SAA2: variants seen among roughly 807,000 people sequenced by gnomAD.
SAA2 encodes serum amyloid A2.
Under a neutral mutation model 9.1 loss-of-function variants are expected in SAA2, and 5 were observed. That is an observed-to-expected ratio of 0.55 (90% CI 0.29 to 1.16). The LOEUF is 1.16. Ranked by LOEUF, SAA2 falls within the 50% of genes most tolerant of loss-of-function variation. The pLI is 0.09. For missense variants in SAA2, 94 were observed against 153.8 expected (o/e 0.61, Z 2.06); for synonymous variants, 49 against 59.8 (o/e 0.82, Z 0.83).
At chr11:18,248,315 G>A (rs1418019928) in intron 1 of SAA2, 19 of 321,784 alleles carry the variant, frequency 5.9e-5, no homozygotes, top group East Asian at 3.6e-4. Flanking sequence ...CGCATTTACC[G>A]TGTGTTCCCT....
intron 2 of SAA2, among the ~76,000 whole-genome samples, chr11:18,247,062 TG>T (rs1296114532): frequency 6.6e-6 from 1 of 152,398 alleles, no homozygotes; most frequent in African/African-American, 2.4e-5. Context: ...ACCTGCTGAC[TG>T]GCAGTAAGTC....
At chr11:18,239,863 G>T in exon 4 of SAA2, 1 of 1,502,348 alleles carries the variant, frequency 6.7e-7, no homozygotes, top group Admixed American at 2.3e-5. Context: ...CTTGTTAGTG[G>T]TGGTTATTTA....
exon 4 of SAA2, chr11:18,239,420 T>A (rs972220223): frequency 9.2e-6 from 3 of 327,398 alleles, no homozygotes; most frequent in Non-Finnish European, 1.7e-5. Flanking sequence ...ACTGCTAGTT[T>A]TTGTATCCAC....
At chr11:18,242,526 G>A (rs1349308850), downstream of SAA2, 3 of 470,202 alleles carry the variant, frequency 6.4e-6, no homozygotes, top group East Asian at 1.1e-4. Flanking sequence ...TGTGAATCTG[G>A]GCAGCCTCAA....
At chr11:18,242,540 G>A (rs11024578), downstream of SAA2, 225,562 of 479,914 alleles carry the variant, frequency 0.47, 58,729 homozygotes, top group Non-Finnish European at 0.54. Flanking sequence ...GCCTCAAACC[G>A]ACACAAAAAT....
downstream of SAA2, among the ~76,000 whole-genome samples, chr11:18,241,522 G>A (rs560171490): frequency 6.6e-6 from 1 of 152,076 alleles, no homozygotes; most frequent in Non-Finnish European, 1.5e-5. Context: ...GATTGGAGGG[G>A]TGTGTGTGTA....
chr11:18,241,288 A>C (rs1252910606), downstream of SAA2, among the ~76,000 whole-genome samples: 2 of 152,226 alleles, frequency 1.3e-5, no homozygotes, highest in Non-Finnish European at 2.9e-5. Context: ...TGCTCATGGG[A>C]ATGTCAATTA....
downstream of SAA2, among the ~76,000 whole-genome samples, chr11:18,238,661 T>C (rs968997408): frequency 1.3e-5 from 2 of 152,222 alleles, no homozygotes; most frequent in African/African-American, 4.8e-5. Context: ...GTGTTACAAA[T>C]AATCCAATTA....
downstream of SAA2, chr11:18,242,619 G>A (rs1857380046): frequency 1.7e-6 from 1 of 572,920 alleles, no homozygotes; most frequent in Non-Finnish European, 3.1e-6. Context: ...GCTGAGGCAG[G>A]CAGATCACTT....
chr11:18,246,722 A>G (rs2445169), intron 2 of SAA2, among the ~76,000 whole-genome samples: 11,307 of 146,876 alleles, frequency 0.077, 710 homozygotes, highest in African/African-American at 0.16. Context: ...TAGTAGACAC[A>G]GGGTTTCACC....
chr11:18,240,673 A>G (rs554572723), downstream of SAA2, among the ~76,000 whole-genome samples: 26 of 152,240 alleles, frequency 1.7e-4, no homozygotes, highest in Non-Finnish European at 3.4e-4. Context: ...GTGGATAGCC[A>G]TATGCAGAAG....
chr11:18,239,985 T>A (rs1857295226), intron 3 of SAA2: 5 of 1,550,328 alleles, frequency 3.2e-6, no homozygotes, highest in Middle Eastern at 1.7e-4. Context: ...AAAGGCAGAT[T>A]AATAGGAGAA....
intron 2 of SAA2, among the ~76,000 whole-genome samples, chr11:18,246,381 T>C (rs1857536881): frequency 6.6e-6 from 1 of 152,160 alleles, no homozygotes; most frequent in African/African-American, 2.4e-5. Context: ...GTATATATTC[T>C]TGCAAATGGA....
chr11:18,239,759 C>A, exon 4 of SAA2: 1 of 575,948 alleles, frequency 1.7e-6, no homozygotes, highest in Non-Finnish European at 2.9e-6. Flanking sequence ...AGAATGGAGA[C>A]ACCACACTGA....
At chr11:18,246,995 T>A (rs1434747457) in intron 2 of SAA2, among the ~76,000 whole-genome samples, 5 of 152,334 alleles carry the variant, frequency 3.3e-5, no homozygotes, top group African/African-American at 9.6e-5. Context: ...CAGTGATGCG[T>A]CTACCTGGCA....
At chr11:18,239,315 C>G (rs1857277702) in exon 4 of SAA2, 1 of 164,204 alleles carries the variant, frequency 6.1e-6, no homozygotes, top group Non-Finnish European at 1.3e-5. Flanking sequence ...CAGTACTACA[C>G]TGTTGTACTT....
At chr11:18,244,311 C>T (rs1857437119), downstream of SAA2, among the ~76,000 whole-genome samples, 1 of 152,198 alleles carries the variant, frequency 6.6e-6, no homozygotes, top group Non-Finnish European at 1.5e-5. Context: ...TATCTCCTGC[C>T]CCCAAGCAGT....
intron 3 of SAA2, 145 bp from the exon 4 acceptor site, chr11:18,245,660 G>T: frequency 7.2e-7 from 1 of 1,385,194 alleles, no homozygotes; most frequent in Non-Finnish European, 9.8e-7. Context: ...GACCCTGCCT[G>T]GGCACTGCCC....
downstream of SAA2, among the ~76,000 whole-genome samples, chr11:18,238,270 A>G (rs977452898): frequency 1.3e-5 from 2 of 152,206 alleles, no homozygotes; most frequent in African/African-American, 2.4e-5. Flanking sequence ...TATTTATCAC[A>G]TTAGAGAAAC....
Sources: allele counts gnomAD v4.1 joint callset (sites outside exome capture counted in the v4.1 genomes callset), GRCh38; gene constraint gnomAD v4.1.1; transcripts MANE v1.5; gene names NCBI Gene and HGNC (gene_info 2026-07-23, HGNC 2026-07-21).